ETV6: variants seen among roughly 807,000 people sequenced by gnomAD.
The protein encoded by ETV6 is transcription factor ETV6.
A neutral mutation model predicts 51.1 loss-of-function variants in ETV6; 16 were observed. The observed-to-expected ratio is 0.31, with a 90% CI of 0.21 to 0.48. The LOEUF (loss-of-function observed/expected upper bound fraction) is 0.48. Ranked by LOEUF, ETV6 falls within the 20% of genes least tolerant of loss-of-function variation. The probability of loss-of-function intolerance (pLI) is 0.99; values close to 1 mark genes in which losing one functional copy is unlikely to be tolerated. For missense variants in ETV6, 458 were observed against 594.8 expected (o/e 0.77, Z 2.39); for synonymous variants, 240 against 224.1 (o/e 1.07, Z -0.64).
chr12:11,732,572 G>T (rs1247064614), intron 1 of ETV6, among the ~76,000 whole-genome samples: 1 of 152,112 alleles, frequency 6.6e-6, no homozygotes, highest in South Asian at 2.1e-4. Context: ...TCCCCCCATT[G>T]TATCCCACCC....
intron 5 of ETV6, among the ~76,000 whole-genome samples, chr12:11,878,193 GC>G (rs1221548084): frequency 6.6e-6 from 1 of 152,222 alleles, no homozygotes; most frequent in East Asian, 1.9e-4. Flanking sequence ...ATTCCCAGCG[GC>G]TGAGTCACTG....
intron 2 of ETV6, among the ~76,000 whole-genome samples, chr12:11,794,087 C>T (rs982834923): frequency 6.6e-6 from 1 of 152,134 alleles, no homozygotes; most frequent in South Asian, 2.1e-4. Flanking sequence ...CACTGACGCC[C>T]GCTGAATCCT....
At chr12:11,687,169 T>C (rs140397063) in intron 1 of ETV6, among the ~76,000 whole-genome samples, 2,099 of 151,302 alleles carry the variant, frequency 0.014, 42 homozygotes, top group East Asian at 0.09. Context: ...TTTAAAGGCA[T>C]GAGCCACTGC....
At chr12:11,758,687 C>T (rs1945040071) in intron 2 of ETV6, among the ~76,000 whole-genome samples, 1 of 152,214 alleles carries the variant, frequency 6.6e-6, no homozygotes, top group African/African-American at 2.4e-5. Flanking sequence ...AAGTCCTCCC[C>T]TGTCCTTTGC....
chr12:11,710,314 G>T (rs1865150663), intron 1 of ETV6, among the ~76,000 whole-genome samples: 1 of 151,832 alleles, frequency 6.6e-6, no homozygotes, highest in Non-Finnish European at 1.5e-5. Context: ...GTGGAGCCCT[G>T]GTTCTGCCTG....
intron 2 of ETV6, among the ~76,000 whole-genome samples, chr12:11,756,496 C>A (rs16907214): frequency 0.01 from 1,544 of 152,198 alleles, 9 homozygotes; most frequent in African/African-American, 0.029. Context: ...AAGTTGCATT[C>A]TTTAAAGGAA....
intron 1 of ETV6, chr12:11,751,356 A>G: frequency 1.9e-6 from 1 of 518,900 alleles, no homozygotes; most frequent in South Asian, 1.4e-5. Flanking sequence ...TTATTTTCAT[A>G]GTGGCATCTT....
Position 11,744,605 on chromosome 12 carries a change from C to T in ETV6, c.34-7845C>T, listed in dbSNP as rs544740630. The stretch of plus-strand genomic sequence containing the variant: ...GTTAGTAGGACATGCACTTTTATGG[C>T]GTTTCCAGGAGTGGTGATGTGTGTT... On this transcript the variant is annotated intron_variant, in intron 1 of 7. Coordinates refer to ENST00000396373, the MANE Select transcript of ETV6 (RefSeq NM_001987.5). Among the ~76,000 whole-genome samples, 3 of 152,292 alleles carry T rather than the reference C, an allele frequency of 2.0e-5. No individual in the cohort carries two copies. In the South Asian group the frequency reaches 6.2e-4, roughly 32 times the overall value.
At chr12:11,773,604 T>C (rs1945274479) in intron 2 of ETV6, among the ~76,000 whole-genome samples, 1 of 152,250 alleles carries the variant, frequency 6.6e-6, no homozygotes, top group South Asian at 2.1e-4. Context: ...AAGGAGACTT[T>C]ATCCATGGCT....
intron 1 of ETV6, among the ~76,000 whole-genome samples, chr12:11,685,506 G>A (rs1230467353): frequency 1.3e-5 from 2 of 151,956 alleles, no homozygotes; most frequent in Non-Finnish European, 2.9e-5. Context: ...AAATAAAAGT[G>A]ACAACTTTTT....
intron 1 of ETV6, among the ~76,000 whole-genome samples, chr12:11,744,060 T>C (rs1397681808): frequency 6.6e-6 from 1 of 152,028 alleles, no homozygotes; most frequent in Non-Finnish European, 1.5e-5. Context: ...GTCTCATGAG[T>C]TAAAACCTGG....
At position 11,884,560 on chromosome 12, in the gene ETV6, A is replaced by G; in HGVS notation, c.1125A>G (p.Gly375=). ...TATTCCGGATAGTGGATCCCAACGG[A>G]CTGGCTCGACTGTGGGGAAACCATA... ...SKIFRIVDPN[G]LARLWGNHKN... The change falls in exon 6 of 8, where the codon GGA becomes GGG. Residue 375 remains glycine, a synonymous_variant. Coordinates refer to ENST00000396373, the MANE Select transcript of ETV6 (RefSeq NM_001987.5). The G allele has an allele frequency of 5.0e-6, 8 of 1,614,186 alleles. No individual in the cohort carries two copies. In the South Asian group the frequency reaches 6.6e-5, roughly 13 times the overall value.
At chr12:11,819,148 A>G (rs1456390207) in intron 2 of ETV6, among the ~76,000 whole-genome samples, 3 of 152,158 alleles carry the variant, frequency 2.0e-5, no homozygotes, top group African/African-American at 7.2e-5. Flanking sequence ...CAAGTTCTGG[A>G]AAGAGTTCTC....
chr12:11,848,524 A>G (rs1358368097), intron 3 of ETV6, among the ~76,000 whole-genome samples: 2 of 152,282 alleles, frequency 1.3e-5, no homozygotes, highest in Non-Finnish European at 1.5e-5. Context: ...TTACAATACA[A>G]TAATGGAATT....
At chr12:11,727,182 A>T (rs1021969473) in intron 1 of ETV6, among the ~76,000 whole-genome samples, 1 of 152,248 alleles carries the variant, frequency 6.6e-6, no homozygotes, top group South Asian at 2.1e-4. Flanking sequence ...CTGCCCTTGC[A>T]TATCTATAAA....
chr12:11,782,701 A>G (rs566819300), intron 2 of ETV6, among the ~76,000 whole-genome samples: 93 of 152,270 alleles, frequency 6.1e-4, no homozygotes, highest in African/African-American at 2.2e-3. Context: ...TTGCTTGGTT[A>G]TGTCCTATTT....
In ETV6 at chr12:11,839,284, G is replaced by A. The variant is rs575376112; in HGVS notation, c.308G>A (p.Arg103His). The A allele has an allele frequency of 4.3e-6, 7 of 1,613,842 alleles. No individual in the cohort carries two copies. The highest frequency in any genetic ancestry group is 1.1e-5 in the South Asian group (1 of 91,010). ...ALLLLTKEDF[R>H]YRSPHSGDVL... Reference sequence around the variant, plus strand: ...CTGCTGCTGACCAAAGAGGACTTTCGCTATCGATCTCCTCATTCAGGTGAG... The same window carrying A: ...CTGCTGCTGACCAAAGAGGACTTTCACTATCGATCTCCTCATTCAGGTGAG... The change falls in exon 3 of 8, where the codon CGC (arginine) becomes CAC (histidine). Residue 103 changes from arginine (R) to histidine (H), a missense_variant. Transcript: ENST00000396373.
chr12:11,852,482 C>T (rs1363653941), intron 3 of ETV6, among the ~76,000 whole-genome samples: 2 of 152,078 alleles, frequency 1.3e-5, no homozygotes, highest in African/African-American at 2.4e-5. Context: ...ATTCTTTTCC[C>T]GTCTAGGATT....
chr12:11,803,660 T>A (rs1471180474), intron 2 of ETV6, among the ~76,000 whole-genome samples: 1 of 152,172 alleles, frequency 6.6e-6, no homozygotes, highest in African/African-American at 2.4e-5. Context: ...GGTGATTTAG[T>A]TTGGGGCACT....
Sources: allele counts gnomAD v4.1 joint callset (sites outside exome capture counted in the v4.1 genomes callset), GRCh38; gene constraint gnomAD v4.1.1; transcripts MANE v1.5; gene names NCBI Gene and HGNC (gene_info 2026-07-23, HGNC 2026-07-21).